The following RABEP1 variants were observed in gnomAD, a reference collection of about 807,000 sequenced individuals.
The protein encoded by RABEP1 is rabaptin, RAB GTPase binding effector protein 1, also known as rab GTPase-binding effector protein 1.
A neutral mutation model predicts 123.4 loss-of-function variants in RABEP1; 51 were observed. The ratio of observed to expected loss-of-function variants is 0.41; its 90% CI spans 0.33 to 0.52. The LOEUF (loss-of-function observed/expected upper bound fraction) is 0.52, where lower values mean the gene tolerates loss of function less well. Ranked by LOEUF, RABEP1 falls within the 20% of genes least tolerant of loss-of-function variation. The pLI is 0.16. For synonymous variants in RABEP1, 347 were observed against 355.2 expected (o/e 0.98, Z 0.26); for missense variants, 888 against 996.3 (o/e 0.89, Z 1.46).
chr17:5,318,437 T>G (rs2075319706), intron 2 of RABEP1, among the ~76,000 whole-genome samples: 1 of 152,108 alleles, frequency 6.6e-6, no homozygotes, highest in Admixed American at 6.6e-5. Flanking sequence ...AAAAAAAGAT[T>G]ACTAACGAGA....
Position 5,350,637 on chromosome 17 carries a change from G to A in RABEP1, c.963+8G>A. On this transcript the variant is annotated splice_region_variant and intron_variant, in intron 7 of 17. Transcript: ENST00000537505. Reference sequence around the variant, plus strand: ...CTGAAGAAGAAAGATCAGGTGAATAGAAGTTTTTAGGACTGATTTGCTTTG... The same window carrying A: ...CTGAAGAAGAAAGATCAGGTGAATAAAAGTTTTTAGGACTGATTTGCTTTG... The A allele has an allele frequency of 6.2e-7, 1 of 1,613,474 alleles. No individual in the cohort carries two copies. Among genetic ancestry groups the A allele is most frequent in the Non-Finnish European group, 8.5e-7 (1 of 1,179,758 alleles).
Position 5,332,683 on chromosome 17 carries a change from G to A in RABEP1, c.367+531G>A, listed in dbSNP as rs138425958. ...GGCGCAGTCTCAGCTCACTGTACTCGCTGCAACCTCTGCCTCCCGGGCTCA... is the reference window on the plus strand; with the variant it reads ...GGCGCAGTCTCAGCTCACTGTACTCACTGCAACCTCTGCCTCCCGGGCTCA... On this transcript the variant is annotated intron_variant, in intron 3 of 17. Coordinates refer to ENST00000537505, the MANE Select transcript of RABEP1 (RefSeq NM_004703.6). 9.2e-4 allele frequency among the ~76,000 whole-genome samples: 130 copies of A among 140,656 alleles called. No homozygotes were observed. In the Middle Eastern group the frequency reaches 0.024, roughly 26 times the overall value. 92.3% of individuals were successfully genotyped at this position (140,656 alleles called of 152,430 possible). A position where few individuals can be genotyped will look rare whatever the true frequency, so the allele number is the denominator to read the frequency against.
At chr17:5,372,867 G>A (rs1343863512) in intron 12 of RABEP1, among the ~76,000 whole-genome samples, 3 of 151,790 alleles carry the variant, frequency 2.0e-5, no homozygotes, top group African/African-American at 4.8e-5. Flanking sequence ...GCGATTCTCC[G>A]GCCTCAGCCT....
At chr17:5,296,017 C>G (rs1185909107) in intron 1 of RABEP1, among the ~76,000 whole-genome samples, 1 of 152,106 alleles carries the variant, frequency 6.6e-6, no homozygotes, top group Non-Finnish European at 1.5e-5. Flanking sequence ...AATTCCTTTA[C>G]TTTTCTTTAA....
rs377231939 is a variant in RABEP1 at position 5,331,508 on chromosome 17, A to G, written c.164-441A>G. 8.5e-4 allele frequency among the ~76,000 whole-genome samples: 130 copies of G among 152,306 alleles called. 2 individuals carry two copies. In the South Asian group the frequency reaches 0.026, roughly 31 times the overall value. On this transcript the variant is annotated intron_variant, in intron 2 of 17. Transcript: ENST00000537505. ...GAGAAATTAATGCTAACTTTAAAGA[A>G]CATACGTCTAGTCACTGCCATGTGC... is the stretch of plus-strand genomic sequence containing the variant.
Position 5,382,330 on chromosome 17 carries a change from C to A in RABEP1, c.2488-792C>A, listed in dbSNP as rs148502106. On this transcript the variant is annotated intron_variant, in intron 17 of 17. Coordinates refer to ENST00000537505, the MANE Select transcript of RABEP1 (RefSeq NM_004703.6). Reference sequence around the variant, plus strand: ...CTCCTGACCTCAGGTGATCCACCTGCCTCAGCCTCCCAAATTGCTGGGATT... The same window carrying A: ...CTCCTGACCTCAGGTGATCCACCTGACTCAGCCTCCCAAATTGCTGGGATT... 3.8e-4 allele frequency among the ~76,000 whole-genome samples: 58 copies of A among 151,716 alleles called. 1 individual carries two copies. The East Asian group carries it at 0.011, about 29-fold the overall frequency.
chr17:5,300,126 G>T (rs1216520582), intron 1 of RABEP1, among the ~76,000 whole-genome samples: 4 of 152,138 alleles, frequency 2.6e-5, no homozygotes, highest in African/African-American at 9.7e-5. Context: ...AGTATAATAT[G>T]CAGTTAGATG....
intron 1 of RABEP1, among the ~76,000 whole-genome samples, chr17:5,301,615 C>G (rs1325641495): frequency 6.6e-6 from 1 of 152,134 alleles, no homozygotes; most frequent in Admixed American, 6.6e-5. Flanking sequence ...TGCTTAGTGT[C>G]TTAGTTTATT....
intron 2 of RABEP1, among the ~76,000 whole-genome samples, chr17:5,320,421 C>CAAAAAAAAAAA (rs60202531): frequency 3.3e-4 from 28 of 84,626 alleles, no homozygotes; most frequent in Admixed American, 6.0e-4. Context: ...GCTAACACAC[C>CAAAAAAAAAAA]AAAAAAAAAA....
chr17:5,293,104 A>G (rs1347748292), intron 1 of RABEP1, among the ~76,000 whole-genome samples: 1 of 152,086 alleles, frequency 6.6e-6, no homozygotes, highest in Non-Finnish European at 1.5e-5. Flanking sequence ...AGCCTGACTA[A>G]CATGAAACCC....
chr17:5,382,665 T>C (rs1911576548), intron 17 of RABEP1, among the ~76,000 whole-genome samples: 1 of 151,954 alleles, frequency 6.6e-6, no homozygotes, highest in Non-Finnish European at 1.5e-5. Flanking sequence ...GACAGGAGAA[T>C]TGCTTGAACC....
intron 1 of RABEP1, among the ~76,000 whole-genome samples, chr17:5,282,918 A>G (rs1195195843): frequency 1.3e-5 from 2 of 151,612 alleles, no homozygotes; most frequent in African/African-American, 4.9e-5. Flanking sequence ...TAGGTAGTGT[A>G]CCCTCCCTGC....
chr17:5,361,503 G>T lies in RABEP1; in HGVS notation c.1391G>T (p.Ser464Ile), dbSNP rs1354031699. ...TCCCTTGGGTCACTCCAGATGCCAA[G>T]TGGGTTTATGTTAACCAAAGATCAG... ...TASLGSLQMP[S>I]GFMLTKDQER... The change falls in exon 9 of 18, where the codon AGT (serine) becomes ATT (isoleucine). Residue 464 changes from serine to isoleucine, a missense_variant. Coordinates refer to ENST00000537505, the MANE Select transcript of RABEP1 (RefSeq NM_004703.6). 3 of 1,614,216 alleles carry T rather than the reference G, an allele frequency of 1.9e-6. No homozygotes were observed. The highest frequency in any genetic ancestry group is 2.5e-6 in the Non-Finnish European group (3 of 1,180,040).
In RABEP1 at chr17:5,306,251, C is replaced by T. The variant is rs943825473; in HGVS notation, c.35-2443C>T. Reference sequence around the variant, plus strand: ...TTGTTGACAAAGGCTGGCATACTTACATTCTCAGCCTTGTAAATTTCAGAA... The same window carrying T: ...TTGTTGACAAAGGCTGGCATACTTATATTCTCAGCCTTGTAAATTTCAGAA... On this transcript the variant is annotated intron_variant, in intron 1 of 17. Transcript: ENST00000537505. Among the ~76,000 whole-genome samples the T allele has an allele frequency of 2.0e-5, 3 of 152,312 alleles. No individual in the cohort carries two copies. In the South Asian group the frequency reaches 6.2e-4, roughly 32 times the overall value.
At chr17:5,307,411 A>AAAATGTATAGAATTTT (rs1204683831) in intron 1 of RABEP1, among the ~76,000 whole-genome samples, 1 of 152,214 alleles carries the variant, frequency 6.6e-6, no homozygotes, top group African/African-American at 2.4e-5. Flanking sequence ...TATACATTTT[A>AAAATGTATAGAATTTT]AAATCAGCTC....
intron 1 of RABEP1, among the ~76,000 whole-genome samples, chr17:5,287,401 C>T (rs1368237457): frequency 6.6e-6 from 1 of 152,050 alleles, no homozygotes; most frequent in Admixed American, 6.6e-5. Context: ...GAGTTCCAGA[C>T]CAGCCTGGCC....
chr17:5,362,723 T>C (rs1042215427), intron 9 of RABEP1, among the ~76,000 whole-genome samples, 189 bp from the exon 10 acceptor site: 7 of 152,236 alleles, frequency 4.6e-5, no homozygotes, highest in Admixed American at 4.6e-4. Flanking sequence ...ATGTGTCCTA[T>C]CATACTTGTA....
rs145345330 is a variant in RABEP1 at position 5,368,004 on chromosome 17, G to A, written c.1786-366G>A. Among the ~76,000 whole-genome samples the A allele has an allele frequency of 7.9e-3, 1,197 of 151,850 alleles. 17 individuals are homozygous for A. Among genetic ancestry groups the A allele is most frequent in the African/African-American group, 0.026 (1,098 of 41,498 alleles). On this transcript the variant is annotated intron_variant, in intron 11 of 17. Transcript: ENST00000537505. ...ACTCCTGACCTCAGGTGATCTGCCC[G>A]CCTCAGCCTCCCAAAGTGCTGGGAT... is the stretch of plus-strand genomic sequence containing the variant.
chr17:5,288,870 A>AT (rs11406447), intron 1 of RABEP1, among the ~76,000 whole-genome samples: 19,009 of 151,514 alleles, frequency 0.13, 1,939 homozygotes, highest in East Asian at 0.49. Context: ...CACCTGGCTC[A>AT]TTTTTTTGTA....
Sources: allele counts gnomAD v4.1 joint callset (sites outside exome capture counted in the v4.1 genomes callset), GRCh38; gene constraint gnomAD v4.1.1; transcripts MANE v1.5; gene names NCBI Gene and HGNC (gene_info 2026-07-23, HGNC 2026-07-21).